AFF1: variants seen among roughly 807,000 people sequenced by gnomAD.
The protein encoded by AFF1 is ALF transcription elongation factor 1, also known as AF4/FMR2 family member 1.
A neutral mutation model predicts 121.7 loss-of-function variants in AFF1; 48 were observed. That is an observed-to-expected ratio of 0.39 (90% CI 0.31 to 0.50). The LOEUF (loss-of-function observed/expected upper bound fraction) is 0.50. AFF1 is among the 20% of genes least tolerant of loss of function. The pLI is 0.76. For synonymous variants in AFF1, 613 were observed against 563.0 expected (o/e 1.09, Z -1.26); for missense variants, 1,523 against 1,511.7 (o/e 1.01, Z -0.12).
At chr4:87,015,612 G>T (rs911080794) in intron 2 of AFF1, among the ~76,000 whole-genome samples, 2 of 152,300 alleles carry the variant, frequency 1.3e-5, no homozygotes, top group Admixed American at 6.5e-5. Context: ...TGCTGATGGT[G>T]TGAGTTTTTT....
At chr4:87,022,549 T>G (rs899267503) in intron 2 of AFF1, among the ~76,000 whole-genome samples, 10 of 37,566 alleles carry the variant, frequency 2.7e-4, no homozygotes, top group African/African-American at 9.1e-4. Flanking sequence ...TACAGATATA[T>G]ATATATATAT....
At chr4:87,049,265 G>A (rs111678422) in intron 4 of AFF1, among the ~76,000 whole-genome samples, 9,721 of 152,226 alleles carry the variant, frequency 0.064, 428 homozygotes, top group Non-Finnish European at 0.1. Context: ...CTGCAGGACA[G>A]ATTAGTCTAG....
intron 2 of AFF1, among the ~76,000 whole-genome samples, chr4:86,972,931 A>G (rs1723045608): frequency 6.6e-6 from 1 of 152,214 alleles, no homozygotes; most frequent in Non-Finnish European, 1.5e-5. Context: ...AACCCCCATT[A>G]TATTTCTGTT....
In AFF1 at chr4:87,091,813, T is replaced by C; in HGVS notation, c.1212T>C (p.Ser404=). The C allele has an allele frequency of 6.4e-7, 1 of 1,561,466 alleles. No homozygotes were observed. Among genetic ancestry groups the C allele is most frequent in the South Asian group, 1.2e-5 (1 of 82,780 alleles). ...FPTKDSQHVS[S]VTQNQKQYDT... is the part of the protein sequence containing the mutation. ...TCTAGGACTCTCAGCATGTCAGTTC[T>C]GTAACCCAAAACCAAAGTAAGTAAA... is the stretch of plus-strand genomic sequence containing the variant. The change falls in exon 7 of 21, where the codon TCT becomes TCC. Residue 404 remains serine, a synonymous_variant. Coordinates refer to ENST00000395146, the MANE Select transcript of AFF1 (RefSeq NM_001166693.3).
At chr4:87,017,885 G>A (rs1727507465) in intron 2 of AFF1, among the ~76,000 whole-genome samples, 1 of 151,872 alleles carries the variant, frequency 6.6e-6, no homozygotes, top group Admixed American at 6.6e-5. Flanking sequence ...ATCTTTAGGG[G>A]CATGTGTGAC....
intron 2 of AFF1, among the ~76,000 whole-genome samples, chr4:86,999,201 C>G (rs747314627): frequency 6.6e-6 from 1 of 152,158 alleles, no homozygotes; most frequent in African/African-American, 2.4e-5. Context: ...AAAAAACACA[C>G]GGTAAAATAT....
At chr4:87,056,558 G>A (rs72667770) in intron 4 of AFF1, among the ~76,000 whole-genome samples, 1,600 of 152,242 alleles carry the variant, frequency 0.011, 9 homozygotes, top group Non-Finnish European at 0.017. Flanking sequence ...ATGGGAACTT[G>A]TGAAAAAATT....
At chr4:86,942,836 A>T (rs1459814762) in intron 1 of AFF1, among the ~76,000 whole-genome samples, 1 of 152,240 alleles carries the variant, frequency 6.6e-6, no homozygotes, top group East Asian at 1.9e-4. Flanking sequence ...AAGCAGAAAA[A>T]GTCAGAGTTC....
chr4:86,962,612 C>G (rs1471298531), intron 2 of AFF1, among the ~76,000 whole-genome samples: 1 of 152,026 alleles, frequency 6.6e-6, no homozygotes, highest in Admixed American at 6.6e-5. Flanking sequence ...AGCAGCCTTC[C>G]CATGCTCTGA....
intron 4 of AFF1, among the ~76,000 whole-genome samples, chr4:87,058,962 C>T (rs1206197938): frequency 6.6e-6 from 1 of 152,132 alleles, no homozygotes; most frequent in Non-Finnish European, 1.5e-5. Context: ...TGACACTTGA[C>T]CACCATCACC....
chr4:87,041,430 T>G lies in AFF1; in HGVS notation c.39-4736T>G, dbSNP rs543006294. 2.6e-5 allele frequency among the ~76,000 whole-genome samples: 4 copies of G among 152,308 alleles called. No homozygotes were observed. The East Asian group carries it at 7.7e-4, about 29-fold the overall frequency. ...AGATCCCTTGGAAACTTGTTCAACA[T>G]ACAAGCCTTGGGGCCCATGTCAGGC... On this transcript the variant is annotated intron_variant, in intron 2 of 20. Transcript: ENST00000395146.
intron 2 of AFF1, among the ~76,000 whole-genome samples, chr4:87,003,304 C>G (rs1398714636): frequency 6.6e-6 from 1 of 152,160 alleles, no homozygotes; most frequent in Non-Finnish European, 1.5e-5. Flanking sequence ...TGCCCTGTCA[C>G]CTAGGCTGGA....
chr4:86,937,559 A>C (rs1200881692), intron 1 of AFF1, among the ~76,000 whole-genome samples: 1 of 152,140 alleles, frequency 6.6e-6, no homozygotes, highest in Non-Finnish European at 1.5e-5. Flanking sequence ...AAATACATAT[A>C]TATTTATCAG....
chr4:87,055,551 A>G (rs1305184078), intron 4 of AFF1, among the ~76,000 whole-genome samples: 2 of 152,142 alleles, frequency 1.3e-5, no homozygotes, highest in African/African-American at 4.8e-5. Flanking sequence ...CAAGATATAG[A>G]CATTCAACTC....
intron 2 of AFF1, among the ~76,000 whole-genome samples, chr4:86,985,181 CTATATA>C (rs55891819): frequency 0.29 from 28,096 of 96,300 alleles, 4,406 homozygotes; most frequent in East Asian, 0.54. Context: ...ATATGTATTA[CTATATA>C]TATATATATA....
Position 87,136,757 on chromosome 4 carries a change from C to T in AFF1, c.*1056C>T, listed in dbSNP as rs1256087603. 2 of 227,216 alleles carry T rather than the reference C, an allele frequency of 8.8e-6. No individual in the cohort carries two copies. Among genetic ancestry groups the T allele is most frequent in the African/African-American group, 4.4e-5 (2 of 44,984 alleles). 14.1% of individuals were successfully genotyped at this position (227,216 alleles called of 1,614,324 possible). The stretch of plus-strand genomic sequence containing the variant: ...CGTCAGTGAACAAGAAACATGAAAT[C>T]TGCTTCTTAGAGAGGCTATATTTTT... On this transcript the variant is annotated 3_prime_UTR_variant, in exon 21 of 21. Coordinates refer to ENST00000395146, the MANE Select transcript of AFF1 (RefSeq NM_001166693.3).
At chr4:86,953,369 G>C (rs145947412) in intron 2 of AFF1, among the ~76,000 whole-genome samples, 1 of 152,280 alleles carries the variant, frequency 6.6e-6, no homozygotes, top group South Asian at 2.1e-4. Context: ...CCAGGACTAG[G>C]ATATATTTGC....
At chr4:86,981,437 G>T (rs908496734) in intron 2 of AFF1, among the ~76,000 whole-genome samples, 7 of 152,040 alleles carry the variant, frequency 4.6e-5, no homozygotes, top group African/African-American at 1.4e-4. Context: ...GTGTGATCGC[G>T]GCTCACTGTG....
chr4:87,069,121 G>C (rs1721695485), intron 4 of AFF1, among the ~76,000 whole-genome samples: 1 of 152,102 alleles, frequency 6.6e-6, no homozygotes, highest in Non-Finnish European at 1.5e-5. Flanking sequence ...TGGAAGAAGA[G>C]AAGGATCAAA....
Sources: gnomAD v4.1 joint callset for allele counts (sites outside exome capture counted in the v4.1 genomes callset) on GRCh38, gnomAD v4.1.1 for gene constraint, MANE v1.5 for transcripts, NCBI Gene and HGNC (gene_info 2026-07-23, HGNC 2026-07-21) for gene names.